Variants in GRIN2A observed in about 807,000 individuals in gnomAD.
GRIN2A encodes the protein glutamate receptor ionotropic, NMDA 2A.
Under a neutral mutation model 113.4 loss-of-function variants are expected in GRIN2A, and 22 were observed. That is an observed-to-expected ratio of 0.19 (90% confidence interval 0.14 to 0.28). The LOEUF (loss-of-function observed/expected upper bound fraction) is 0.28. GRIN2A is among the 10% of genes least tolerant of loss of function. The probability of loss-of-function intolerance (pLI) is 1.00; values close to 1 mark genes in which losing one functional copy is unlikely to be tolerated. For synonymous variants in GRIN2A, 827 were observed against 738.4 expected (o/e 1.12, Z -1.94); for missense variants, 1,502 against 1,887.0 (o/e 0.80, Z 3.78).
Position 10,047,450 on chromosome 16 carries a change from T to C in GRIN2A, c.415-108899A>G, listed in dbSNP as rs148434210. 5.3e-3 allele frequency among the ~76,000 whole-genome samples: 809 copies of C among 152,350 alleles called. 5 individuals carry two copies. Among genetic ancestry groups the C allele is most frequent in the African/African-American group, 0.018 (757 of 41,578 alleles). On this transcript the variant is annotated intron_variant, in intron 2 of 12. Transcript: ENST00000330684. ...GTACCCAATAAATGTTAGCTTTGCA[T>C]ACTATTGTGTTCTTGGTTTAAAGAT...
chr16:10,128,279 C>A (rs138491410), intron 2 of GRIN2A, among the ~76,000 whole-genome samples: 1 of 152,090 alleles, frequency 6.6e-6, no homozygotes, highest in South Asian at 2.1e-4. Context: ...CAGCTTGCAG[C>A]GAGTTTTGTG....
intron 2 of GRIN2A, among the ~76,000 whole-genome samples, chr16:10,156,834 T>C (rs1325057165): frequency 2.0e-5 from 3 of 152,076 alleles, no homozygotes; most frequent in East Asian, 3.8e-4. Context: ...CCCTGAGAGG[T>C]AGATTTCAAC....
At chr16:10,104,479 G>A (rs9924142) in intron 2 of GRIN2A, among the ~76,000 whole-genome samples, 61,598 of 152,002 alleles carry the variant, frequency 0.41, 12,642 homozygotes, top group East Asian at 0.46. Context: ...TTAATAATCA[G>A]TATGTAAGTT....
intron 2 of GRIN2A, among the ~76,000 whole-genome samples, chr16:10,044,212 T>G (rs754132715): frequency 5.7e-4 from 86 of 151,814 alleles, no homozygotes; most frequent in Non-Finnish European, 1.1e-3. Context: ...TTTTGTATTT[T>G]TAGTAAATAT....
At position 9,813,533 on chromosome 16, in the gene GRIN2A, T is replaced by C. The variant is rs897382155; in HGVS notation, c.2168+8731A>G. Among the ~76,000 whole-genome samples, 413 of 151,038 alleles carry C rather than the reference T, an allele frequency of 2.7e-3. 2 individuals are homozygous for C. Among genetic ancestry groups the C allele is most frequent in the African/African-American group, 9.4e-3 (387 of 41,208 alleles). On this transcript the variant is annotated intron_variant, in intron 10 of 12. Transcript: ENST00000330684. Reference sequence around the variant, plus strand: ...CTGTTTTTTTTGCCTTTTTTTTTTTTCCGTCTCTGAGTTTAAAGAATTATG... The same window carrying C: ...CTGTTTTTTTTGCCTTTTTTTTTTTCCCGTCTCTGAGTTTAAAGAATTATG...
At chr16:10,181,830 T>C (rs1567356339) in intron 1 of GRIN2A, 47 bp downstream of exon 1, 1 of 153,298 alleles carries the variant, frequency 6.5e-6, no homozygotes. Context: ...CGGTCGAGTC[T>C]CCCTCCTCCC....
intron 2 of GRIN2A, among the ~76,000 whole-genome samples, chr16:10,067,365 C>A (rs1206987406): frequency 1.3e-5 from 2 of 152,044 alleles, no homozygotes; most frequent in African/African-American, 4.8e-5. Context: ...CAAGTTATCT[C>A]CCCGTAAACA....
intron 4 of GRIN2A, among the ~76,000 whole-genome samples, chr16:9,888,653 C>T (rs1596543147): frequency 2.0e-5 from 3 of 151,718 alleles, no homozygotes; most frequent in South Asian, 2.1e-4. Flanking sequence ...ATTTTATGCA[C>T]CGTAGTCTAA....
Position 10,142,715 on chromosome 16 carries a change from T to C in GRIN2A, c.414+37283A>G, listed in dbSNP as rs374047799. Among the ~76,000 whole-genome samples, 18 of 152,118 alleles carry C rather than the reference T, an allele frequency of 1.2e-4. No homozygotes were observed. The East Asian group carries it at 3.3e-3, about 28-fold the overall frequency. On this transcript the variant is annotated intron_variant, in intron 2 of 12. Coordinates refer to ENST00000330684, the MANE Select transcript of GRIN2A (RefSeq NM_001134407.3). ...CTCTGTCTCTAAAAACACAAACAAA[T>C]TTAAACCAACCAAAGACACCCTAAC...
At chr16:10,135,496 C>A (rs1032683450) in intron 2 of GRIN2A, among the ~76,000 whole-genome samples, 9 of 152,198 alleles carry the variant, frequency 5.9e-5, no homozygotes, top group Admixed American at 5.2e-4. Context: ...CTAGCCTCTG[C>A]CCAACACACA....
chr16:9,985,519 T>A (rs2045964281), intron 2 of GRIN2A, among the ~76,000 whole-genome samples: 1 of 152,012 alleles, frequency 6.6e-6, no homozygotes, highest in African/African-American at 2.4e-5. Flanking sequence ...TGAAAAAGAA[T>A]GAGATCCTGT....
chr16:10,146,741 A>C (rs1383437748), intron 2 of GRIN2A, among the ~76,000 whole-genome samples: 2 of 152,102 alleles, frequency 1.3e-5, no homozygotes, highest in South Asian at 4.1e-4. Context: ...ATTTGCCTAA[A>C]TAATGGAATC....
rs1299120739 is a variant in GRIN2A at position 10,015,283 on chromosome 16, AGAAAAAGAAAGGAAAG to A, written c.415-76748_415-76733del. On this transcript the variant is annotated intron_variant, in intron 2 of 12. Coordinates refer to ENST00000330684, the MANE Select transcript of GRIN2A (RefSeq NM_001134407.3). ...AAAAAAAAAAAAAAGAAAAAAAAAA[AGAAAAAGAAAGGAAAG>A]GAAAAGAAAAAAAAGAAATAACTAG... is the stretch of plus-strand genomic sequence containing the variant. Among the ~76,000 whole-genome samples, 2 of 139,194 alleles carry A rather than the reference AGAAAAAGAAAGGAAAG, an allele frequency of 1.4e-5. 1 individual carries two copies. The highest frequency in any genetic ancestry group is 4.0e-4 in the East Asian group (2 of 4,998). The allele number at this position is 139,194 out of a possible 152,430, so 91.3% of individuals were successfully genotyped here.
intron 2 of GRIN2A, among the ~76,000 whole-genome samples, chr16:10,052,974 G>T (rs2047384326): frequency 6.6e-6 from 1 of 151,610 alleles, no homozygotes; most frequent in Non-Finnish European, 1.5e-5. Flanking sequence ...CTTGATCCTG[G>T]GAGACAGAGG....
chr16:9,925,470 G>A (rs1316172620), intron 3 of GRIN2A, among the ~76,000 whole-genome samples: 4 of 152,128 alleles, frequency 2.6e-5, no homozygotes, highest in Admixed American at 6.5e-5. Context: ...CCATTTACGC[G>A]GATCACTTTT....
At position 10,180,229 on chromosome 16, in the gene GRIN2A, C is replaced by T. The variant is rs756709898; in HGVS notation, c.183G>A (p.Ala61=). The change falls in exon 2 of 13, where the codon GCG becomes GCA. Residue 61 remains alanine, a synonymous_variant. Transcript: ENST00000330684. This position sits in a 1 kb window ranked among gnomAD's most constrained non-coding sequence, Gnocchi z 7.0. ...LRTLWGPEQA[A]GLPLDVNVVA... is the part of the protein sequence containing the mutation. The stretch of plus-strand genomic sequence containing the variant: ...CCACGTTCACGTCCAGGGGCAGCCC[C>T]GCCGCCTGCTCGGGGCCCCACAGTG... The T allele has an allele frequency of 2.5e-6, 4 of 1,614,102 alleles. No homozygotes were observed. In the South Asian group the frequency reaches 3.3e-5, roughly 13 times the overall value.
intron 2 of GRIN2A, among the ~76,000 whole-genome samples, chr16:9,969,261 T>G (rs1196048688): frequency 1.3e-5 from 2 of 152,128 alleles, no homozygotes; most frequent in Non-Finnish European, 2.9e-5. Flanking sequence ...CACCTCCCTT[T>G]TCTCCTTGAC....
At chr16:9,987,783 C>G (rs949042465) in intron 2 of GRIN2A, among the ~76,000 whole-genome samples, 3 of 152,080 alleles carry the variant, frequency 2.0e-5, no homozygotes, top group African/African-American at 7.2e-5. Flanking sequence ...AGATCTGAAC[C>G]AGGTAGAAAC....
intron 9 of GRIN2A, among the ~76,000 whole-genome samples, chr16:9,824,374 T>A (rs78018570): frequency 0.011 from 1,719 of 152,284 alleles, 21 homozygotes; most frequent in African/African-American, 0.039. Context: ...AGGAGAGAGG[T>A]AATAGTGCTG....
Sources: allele counts gnomAD v4.1 joint callset (sites outside exome capture counted in the v4.1 genomes callset), GRCh38; gene constraint gnomAD v4.1.1; non-coding constraint Gnocchi (gnomAD v3.1); transcripts MANE v1.5; gene names NCBI Gene and HGNC (gene_info 2026-07-23, HGNC 2026-07-21).